The following NCAM1 variants were observed in gnomAD, a reference collection of about 807,000 sequenced individuals.
NCAM1 encodes neural cell adhesion molecule 1.
A neutral mutation model predicts 109.8 loss-of-function variants in NCAM1; 14 were observed. The observed-to-expected ratio is 0.13, with a 90% CI of 0.08 to 0.20. The LOEUF is 0.20. Among genes scored for constraint, NCAM1 ranks in the 10% least tolerant of loss-of-function variants. The pLI is 1.00. For missense variants in NCAM1, 774 were observed against 1,109.9 expected (o/e 0.70, Z 4.30); for synonymous variants, 418 against 442.9 (o/e 0.94, Z 0.70).
intron 1 of NCAM1, among the ~76,000 whole-genome samples, chr11:113,091,406 C>T (rs565554865): frequency 6.6e-6 from 1 of 152,274 alleles, no homozygotes; most frequent in East Asian, 1.9e-4. Context: ...TTCTAGGCCA[C>T]TCAGGGTTCT....
chr11:113,199,601 G>T (rs1331253848), intron 1 of NCAM1, among the ~76,000 whole-genome samples: 3 of 151,030 alleles, frequency 2.0e-5, no homozygotes, highest in South Asian at 2.1e-4. Flanking sequence ...TTCTGTGATG[G>T]GAAGGGGAAC....
intron 1 of NCAM1, among the ~76,000 whole-genome samples, chr11:113,087,653 T>C (rs973014482): frequency 6.6e-6 from 1 of 152,168 alleles, no homozygotes; most frequent in African/African-American, 2.4e-5. Flanking sequence ...ACAGCCTCGA[T>C]AGAGGGTGAG....
intron 7 of NCAM1, among the ~76,000 whole-genome samples, chr11:113,208,668 A>G (rs1200384751): frequency 6.6e-6 from 1 of 151,260 alleles, no homozygotes; most frequent in Non-Finnish European, 1.5e-5. Flanking sequence ...ACCTCCACTC[A>G]TCTCTCTCTC....
At chr11:113,132,604 ATG>A (rs71060290) in intron 1 of NCAM1, among the ~76,000 whole-genome samples, 17,948 of 129,650 alleles carry the variant, frequency 0.14, 1,098 homozygotes, top group East Asian at 0.25. Context: ...ATTAGGAAGC[ATG>A]TGTGTGTGTG....
intron 1 of NCAM1, among the ~76,000 whole-genome samples, chr11:113,112,040 C>G (rs782491589): frequency 6.6e-6 from 1 of 152,132 alleles, no homozygotes; most frequent in South Asian, 2.1e-4. Context: ...TGAAGGTGGT[C>G]GGTTGCCTAA....
At chr11:113,169,518 G>A (rs1248396973) in intron 1 of NCAM1, among the ~76,000 whole-genome samples, 4 of 151,932 alleles carry the variant, frequency 2.6e-5, no homozygotes, top group Non-Finnish European at 5.9e-5. Context: ...CCTGATTATT[G>A]TTTAGGCTCT....
chr11:113,075,145 C>T (rs1466169350), intron 1 of NCAM1, among the ~76,000 whole-genome samples: 2 of 152,138 alleles, frequency 1.3e-5, no homozygotes, highest in Non-Finnish European at 2.9e-5. Context: ...TGGCTCACTG[C>T]ATGCTGGACC....
chr11:113,080,318 T>C (rs1053173789), intron 1 of NCAM1, among the ~76,000 whole-genome samples: 1 of 152,178 alleles, frequency 6.6e-6, no homozygotes, highest in Non-Finnish European at 1.5e-5. Context: ...AAGTCTGAAA[T>C]GTCCCTAAAG....
At chr11:113,185,118 A>G (rs1422956964) in intron 1 of NCAM1, among the ~76,000 whole-genome samples, 2 of 147,652 alleles carry the variant, frequency 1.4e-5, no homozygotes, top group African/African-American at 2.5e-5. Flanking sequence ...AGAGAGATTT[A>G]TTATAAGGAA....
intron 1 of NCAM1, among the ~76,000 whole-genome samples, chr11:113,110,817 A>T (rs1251670820): frequency 6.6e-6 from 1 of 152,130 alleles, no homozygotes; most frequent in Non-Finnish European, 1.5e-5. Context: ...CTGCCTATAG[A>T]GGCAGAGAGT....
chr11:113,022,690 T>C (rs1952426114), intron 1 of NCAM1, among the ~76,000 whole-genome samples: 1 of 152,192 alleles, frequency 6.6e-6, no homozygotes, highest in African/African-American at 2.4e-5. Flanking sequence ...TTATTTTTCA[T>C]AAAAGAAATC....
intron 1 of NCAM1, among the ~76,000 whole-genome samples, chr11:113,086,976 G>A (rs1939121083): frequency 1.3e-5 from 2 of 152,166 alleles, no homozygotes; most frequent in South Asian, 4.1e-4. Flanking sequence ...TTGTAACAAT[G>A]CAAGGTAAGT....
At chr11:113,105,183 G>A (rs1940099148) in intron 1 of NCAM1, among the ~76,000 whole-genome samples, 2 of 152,200 alleles carry the variant, frequency 1.3e-5, no homozygotes, top group South Asian at 4.1e-4. Flanking sequence ...TTGGCTATGT[G>A]CAGTTGAGGT....
At chr11:113,017,812 T>C (rs577427721) in intron 1 of NCAM1, among the ~76,000 whole-genome samples, 2 of 152,298 alleles carry the variant, frequency 1.3e-5, no homozygotes, top group South Asian at 2.1e-4. Context: ...TGTTATATCA[T>C]ATCAGTATAT....
At chr11:113,130,868 A>G (rs1941357484) in intron 1 of NCAM1, 1 of 152,198 alleles carries the variant, frequency 6.6e-6, no homozygotes. Context: ...TGTGTGTGAT[A>G]TTTAGGATAT....
At chr11:113,238,972 G>C (rs527424054) in intron 14 of NCAM1, among the ~76,000 whole-genome samples, 2 of 152,198 alleles carry the variant, frequency 1.3e-5, no homozygotes, top group Non-Finnish European at 2.9e-5. Context: ...CTTGAAGTTC[G>C]TTGAGATGTC....
intron 7 of NCAM1, among the ~76,000 whole-genome samples, chr11:113,208,822 G>A (rs148449971): frequency 5.3e-5 from 8 of 152,284 alleles, no homozygotes; most frequent in East Asian, 3.9e-4. Flanking sequence ...CATACACGGC[G>A]TTATCCCTGT....
chr11:113,257,257 A>G (rs1253682786), intron 16 of NCAM1, among the ~76,000 whole-genome samples: 2 of 152,222 alleles, frequency 1.3e-5, no homozygotes, highest in Non-Finnish European at 2.9e-5. Flanking sequence ...ATGCCTTTCC[A>G]ATGGTTATCC....
intron 7 of NCAM1, among the ~76,000 whole-genome samples, chr11:113,210,197 G>GTAA (rs1944348329): frequency 6.9e-6 from 1 of 144,684 alleles, no homozygotes; most frequent in Non-Finnish European, 1.5e-5. Context: ...CCATAAAGTA[G>GTAA]TAATAATAAT....
Sources: gnomAD v4.1 joint callset for allele counts (sites outside exome capture counted in the v4.1 genomes callset) on GRCh38, gnomAD v4.1.1 for gene constraint, MANE v1.5 for transcripts, NCBI Gene and HGNC (gene_info 2026-07-23, HGNC 2026-07-21) for gene names.